Variants in N4BP2 observed in about 807,000 individuals in gnomAD.
The protein encoded by N4BP2 is NEDD4-binding protein 2.
Under a neutral mutation model 152.8 loss-of-function variants are expected in N4BP2, and 91 were observed. The observed-to-expected ratio is 0.60, with a 90% CI of 0.50 to 0.71. N4BP2 has a LOEUF of 0.71. Ranked by LOEUF, N4BP2 falls within the 30% of genes least tolerant of loss-of-function variation. N4BP2 has a pLI of 0.00. For synonymous variants in N4BP2, 646 were observed against 705.3 expected (o/e 0.92, Z 1.33); for missense variants, 1,923 against 2,059.1 (o/e 0.93, Z 1.28).
rs754583432 is a variant in N4BP2 at position 40,121,731 on chromosome 4, G to C, written c.3620G>C (p.Arg1207Thr). ...ERGNSEQAEM[R>T]AVTPENHESM... is the part of the protein sequence containing the mutation. ...GGAAACTCAGAGCAGGCGGAAATGA[G>C]AGCTGTCACTCCTGAAAACCATGAA... Residue 1207 changes from arginine (R) to threonine (T), a missense_variant, in exon 9 of 18, where the codon AGA (arginine) becomes ACA (threonine). Physicochemically the swap from Arg to Thr is moderately conservative, Grantham distance 71. Coordinates refer to ENST00000261435, the MANE Select transcript of N4BP2 (RefSeq NM_018177.6). 6.2e-7 allele frequency: 1 copy of C among 1,613,922 alleles called. No individual in the cohort carries two copies. Among genetic ancestry groups the C allele is most frequent in the African/African-American group, 1.3e-5 (1 of 74,920 alleles).
At chr4:40,105,098 A>G (rs369448718) in intron 4 of N4BP2, among the ~76,000 whole-genome samples, 259 of 152,278 alleles carry the variant, frequency 1.7e-3, no homozygotes, top group African/African-American at 5.8e-3. Context: ...CACCACGCCC[A>G]ACAATCCTGC....
chr4:40,064,187 C>A (rs530163972), intron 1 of N4BP2, among the ~76,000 whole-genome samples: 11 of 152,248 alleles, frequency 7.2e-5, no homozygotes, highest in Non-Finnish European at 8.8e-5. Flanking sequence ...GTACTATGGA[C>A]CTGTGTATTC....
chr4:40,180,922 C>A, the N4BP2 span, among the ~76,000 whole-genome samples: 3 of 152,104 alleles, frequency 2.0e-5, no homozygotes, highest in Non-Finnish European at 2.9e-5. Context: ...GAGGCTGAGG[C>A]GGGTGGATCA....
chr4:40,186,841 G>T, the N4BP2 span, among the ~76,000 whole-genome samples: 19 of 152,196 alleles, frequency 1.2e-4, no homozygotes, highest in African/African-American at 4.6e-4. Flanking sequence ...TTGAGCCCAT[G>T]ACTATTTTTC....
the N4BP2 span, among the ~76,000 whole-genome samples, chr4:40,182,203 A>G: frequency 4.6e-5 from 7 of 152,336 alleles, no homozygotes; most frequent in African/African-American, 1.2e-4. Context: ...TACCTTGCAT[A>G]CAGTAAAGGC....
At chr4:40,115,674 CTT>C in intron 7 of N4BP2, among the ~76,000 whole-genome samples, 1 of 152,112 alleles carries the variant, frequency 6.6e-6, no homozygotes, top group East Asian at 1.9e-4. Context: ...AGTGTTTTGT[CTT>C]TTATAAAAAT....
rs373941724 is a variant in N4BP2 at position 40,140,779 on chromosome 4, G to T, written c.4786-1894G>T. 8.2e-4 allele frequency among the ~76,000 whole-genome samples: 124 copies of T among 152,012 alleles called. 1 individual carries two copies. The highest frequency in any genetic ancestry group is 2.1e-3 in the African/African-American group (86 of 41,448). On this transcript the variant is annotated intron_variant, in intron 14 of 17. Transcript: ENST00000261435. ...GTCCCTGGGCACTTGAGATTAGGGA[G>T]TGGTGATGACTCTTAACGAGCATGC...
intron 11 of N4BP2, among the ~76,000 whole-genome samples, chr4:40,125,375 C>A (rs1018261040): frequency 1.3e-5 from 2 of 152,326 alleles, no homozygotes; most frequent in South Asian, 4.1e-4. Flanking sequence ...CATTTGCCCA[C>A]TCTTTATTGT....
Position 40,097,308 on chromosome 4 carries a change from G to T in N4BP2, c.-33G>T. 1 of 1,573,476 alleles carries T rather than the reference G, an allele frequency of 6.4e-7. No homozygotes were observed. The highest frequency in any genetic ancestry group is 1.1e-5 in the South Asian group (1 of 89,890). ...CTTAAATGTCAAACATCTTAACTAAGAAAAGGGAAACATTTTAGTTTTGGA... is the reference window on the plus strand; with the variant it reads ...CTTAAATGTCAAACATCTTAACTAATAAAAGGGAAACATTTTAGTTTTGGA... On this transcript the variant is annotated 5_prime_UTR_variant, in exon 3 of 18. Coordinates refer to ENST00000261435, the MANE Select transcript of N4BP2 (RefSeq NM_018177.6).
At chr4:40,128,455 C>G (rs935155330) in intron 12 of N4BP2, among the ~76,000 whole-genome samples, 1 of 152,040 alleles carries the variant, frequency 6.6e-6, no homozygotes, top group African/African-American at 2.4e-5. Context: ...TTCAGTAGAT[C>G]TTAAAATTTT....
intron 12 of N4BP2, among the ~76,000 whole-genome samples, chr4:40,126,745 A>G (rs1718445293): frequency 6.6e-6 from 1 of 152,022 alleles, no homozygotes; most frequent in Non-Finnish European, 1.5e-5. Context: ...AACAGGGACT[A>G]CCATGCCTGG....
chr4:40,151,059 C>T (rs1721112481), intron 16 of N4BP2, among the ~76,000 whole-genome samples: 4 of 152,130 alleles, frequency 2.6e-5, no homozygotes, highest in Admixed American at 2.6e-4. Context: ...CAAGAACAGC[C>T]TGTATTTGGG....
intron 16 of N4BP2, among the ~76,000 whole-genome samples, chr4:40,149,779 C>CCCAGT (rs1276300144): frequency 2.0e-5 from 3 of 151,864 alleles, no homozygotes; most frequent in Non-Finnish European, 2.9e-5. Context: ...CACCTGTAGT[C>CCCAGT]CCAGCTACTT....
At chr4:40,069,635 C>T (rs1391900192) in intron 1 of N4BP2, among the ~76,000 whole-genome samples, 1 of 152,098 alleles carries the variant, frequency 6.6e-6, no homozygotes. Flanking sequence ...TGGCCAGGCA[C>T]AGTTGCCCAT....
rs1245842192 is a variant in N4BP2 at position 40,112,804 on chromosome 4, A to G, written c.1588-628A>G. Among the ~76,000 whole-genome samples the G allele has an allele frequency of 1.3e-5, 2 of 151,940 alleles. 1 individual carries two copies. The highest frequency in any genetic ancestry group is 4.8e-5 in the African/African-American group (2 of 41,414). Reference sequence around the variant, plus strand: ...CTGCAACCTCTGCCTCCTGGGTTCAATCGATTCTCCTGCCTCAGAAACTGA... The same window carrying G: ...CTGCAACCTCTGCCTCCTGGGTTCAGTCGATTCTCCTGCCTCAGAAACTGA... On this transcript the variant is annotated intron_variant, in intron 6 of 17. Transcript: ENST00000261435.
At chr4:40,067,574 T>A (rs951673496) in intron 1 of N4BP2, among the ~76,000 whole-genome samples, 8 of 152,196 alleles carry the variant, frequency 5.3e-5, no homozygotes, top group African/African-American at 1.9e-4. Flanking sequence ...GATCATATGA[T>A]AATTCTGTTT....
intron 7 of N4BP2, among the ~76,000 whole-genome samples, chr4:40,114,624 C>T (rs1717190087): frequency 6.6e-6 from 1 of 152,112 alleles, no homozygotes; most frequent in Admixed American, 6.6e-5. Flanking sequence ...AGGATTTTTG[C>T]ATCTTTATAA....
rs749669817 is a variant in N4BP2 at position 40,102,667 on chromosome 4, C to T, written c.822C>T (p.Cys274=). 13 of 1,614,020 alleles carry T rather than the reference C, an allele frequency of 8.1e-6. No individual in the cohort carries two copies. Among genetic ancestry groups the T allele is most frequent in the African/African-American group, 4.0e-5 (3 of 74,918 alleles). The change falls in exon 4 of 18, where the codon TGC becomes TGT. Residue 274 remains cysteine, a synonymous_variant. Coordinates refer to ENST00000261435, the MANE Select transcript of N4BP2 (RefSeq NM_018177.6). ...QKQKELLESE[C]VEAQFSEAPV... The stretch of plus-strand genomic sequence containing the variant: ...AGAAAGAACTTTTAGAATCTGAGTG[C>T]GTTGAGGCTCAATTCTCTGAAGCTC...
Position 40,120,291 on chromosome 4 carries a change from C to T in N4BP2, c.2180C>T (p.Thr727Ile). ...DSSMERVSPS[T>I]CCSENNQEDC... ...TCTATGGAGAGAGTATCACCTAGTA[C>T]TTGCTGTAGTGAAAATAATCAAGAA... Residue 727 changes from threonine (T) to isoleucine (I), a missense_variant, in exon 9 of 18, where the codon ACT (threonine) becomes ATT (isoleucine). By Grantham distance (89) the Thr-to-Ile change is moderately conservative. Coordinates refer to ENST00000261435, the MANE Select transcript of N4BP2 (RefSeq NM_018177.6). 2 of 1,613,006 alleles carry T rather than the reference C, an allele frequency of 1.2e-6. No homozygotes were observed. Among genetic ancestry groups the T allele is most frequent in the Non-Finnish European group, 1.7e-6 (2 of 1,179,736 alleles).
Sources: gnomAD v4.1 joint callset for allele counts (sites outside exome capture counted in the v4.1 genomes callset) on GRCh38, gnomAD v4.1.1 for gene constraint, MANE v1.5 for transcripts, NCBI Gene and HGNC (gene_info 2026-07-23, HGNC 2026-07-21) for gene names.